DRC11L: variants seen among roughly 807,000 people sequenced by gnomAD.
DRC11L encodes the protein dynein regulatory complex subunit like-11.
chr7:151,199,527 C>T, the DRC11L span, among the ~76,000 whole-genome samples: 1 of 152,214 alleles, frequency 6.6e-6, no homozygotes, highest in African/African-American at 2.4e-5. This position sits in a 1 kb window ranked among gnomAD's most constrained non-coding sequence, Gnocchi z 5.2. Context: ...CCTCTTTCGG[C>T]CTGCTCTCGT....
At chr7:151,199,785 C>T in the DRC11L span, among the ~76,000 whole-genome samples, 14 of 152,240 alleles carry the variant, frequency 9.2e-5, no homozygotes, top group African/African-American at 3.1e-4. The surrounding 1 kb of genome is among the most constrained non-coding windows in gnomAD (Gnocchi z 5.2). Context: ...AGCCCTTCCC[C>T]CAGGGAGCAT....
At chr7:151,200,563 G>C in the DRC11L span, 1 of 398,216 alleles carries the variant, frequency 2.5e-6, no homozygotes, top group Non-Finnish European at 4.4e-6. Context: ...AGAGATTTCC[G>C]GTGGGGTGGG....
At chr7:151,196,495 G>A in the DRC11L span, 1 of 399,628 alleles carries the variant, frequency 2.5e-6, no homozygotes. Context: ...TCCTCCCGGA[G>A]GGTCTCGGAG....
chr7:151,198,191 T>C, the DRC11L span, among the ~76,000 whole-genome samples: 2 of 99,866 alleles, frequency 2.0e-5, no homozygotes, highest in East Asian at 3.0e-4. Context: ...GATGGGGAGA[T>C]GGAGAGGTGG....
the DRC11L span, chr7:151,197,824 G>A: frequency 1.8e-5 from 7 of 399,104 alleles, no homozygotes; most frequent in Non-Finnish European, 2.7e-5. Flanking sequence ...CAGGGTACCT[G>A]TTCTGGCGTT....
At chr7:151,191,202 G>T in the DRC11L span, 1 of 398,688 alleles carries the variant, frequency 2.5e-6, no homozygotes. Context: ...TGGGTTTGGG[G>T]GTCCTATTAG....
the DRC11L span, among the ~76,000 whole-genome samples, chr7:151,205,041 C>G: frequency 6.6e-6 from 1 of 152,164 alleles, no homozygotes; most frequent in African/African-American, 2.4e-5. Flanking sequence ...TGGGATTGGG[C>G]TCCGCTGTAG....
At chr7:151,195,014 G>A in the DRC11L span, among the ~76,000 whole-genome samples, 1 of 152,160 alleles carries the variant, frequency 6.6e-6, no homozygotes, top group Non-Finnish European at 1.5e-5. Context: ...ACGTCAAGTC[G>A]CTTGTGAGCT....
At chr7:151,191,747 C>T in the DRC11L span, 7 of 399,208 alleles carry the variant, frequency 1.8e-5, no homozygotes, top group Non-Finnish European at 3.1e-5. Context: ...CCGCCGCTCA[C>T]TCAGCACCGA....
At chr7:151,193,560 C>G in the DRC11L span, 5 of 399,058 alleles carry the variant, frequency 1.3e-5, no homozygotes, top group Non-Finnish European at 2.2e-5. Flanking sequence ...GAGATGACTG[C>G]GTAAGGTCAG....
chr7:151,203,779 T>C, the DRC11L span, among the ~76,000 whole-genome samples: 1 of 152,166 alleles, frequency 6.6e-6, no homozygotes, highest in Non-Finnish European at 1.5e-5. Flanking sequence ...CACAATCAAC[T>C]GGGAAGCTCT....
chr7:151,195,093 CA>C, the DRC11L span, among the ~76,000 whole-genome samples: 18 of 152,244 alleles, frequency 1.2e-4, no homozygotes, highest in African/African-American at 4.3e-4. Flanking sequence ...GTGGGAAGTC[CA>C]GGGGGAAATG....
the DRC11L span, chr7:151,203,175 A>G: frequency 2.5e-6 from 1 of 398,656 alleles, no homozygotes; most frequent in Admixed American, 4.4e-5. Flanking sequence ...GAGACCAGCC[A>G]TCAAAGGATG....
the DRC11L span, among the ~76,000 whole-genome samples, chr7:151,199,524 C>T: frequency 6.6e-5 from 10 of 152,362 alleles, no homozygotes; most frequent in East Asian, 9.7e-4. This position sits in a 1 kb window ranked among gnomAD's most constrained non-coding sequence, Gnocchi z 5.2. Flanking sequence ...CTGCCTCTTT[C>T]GGCCTGCTCT....
the DRC11L span, among the ~76,000 whole-genome samples, chr7:151,199,343 C>T: frequency 2.6e-5 from 4 of 152,052 alleles, no homozygotes; most frequent in Non-Finnish European, 5.9e-5. The surrounding 1 kb of genome is among the most constrained non-coding windows in gnomAD (Gnocchi z 5.2). Flanking sequence ...AGTTGGCAGC[C>T]GCTCTCGCAG....
At chr7:151,202,004 G>C in the DRC11L span, among the ~76,000 whole-genome samples, 1 of 152,226 alleles carries the variant, frequency 6.6e-6, no homozygotes, top group East Asian at 1.9e-4. Context: ...GACCCAGAGA[G>C]GTGCAGAGTG....
At chr7:151,194,629 C>A in the DRC11L span, 1 of 399,338 alleles carries the variant, frequency 2.5e-6, no homozygotes, top group Non-Finnish European at 4.4e-6. Flanking sequence ...AAGACCCCCA[C>A]CACCACAAGG....
the DRC11L span, chr7:151,195,598 C>T: frequency 2.5e-5 from 3 of 118,754 alleles, no homozygotes; most frequent in Non-Finnish European, 6.4e-5. Flanking sequence ...AGGGGTCTTT[C>T]TTCCTCCTTG....
chr7:151,194,269 C>G, the DRC11L span: 2 of 399,170 alleles, frequency 5.0e-6, no homozygotes, highest in Non-Finnish European at 8.8e-6. Flanking sequence ...GCCGAAGGAC[C>G]GCATACAAAG....
Sources: gnomAD v4.1 joint callset for allele counts (sites outside exome capture counted in the v4.1 genomes callset) on GRCh38, gnomAD v4.1.1 for gene constraint, Gnocchi (gnomAD v3.1) non-coding constraint, MANE v1.5 for transcripts, NCBI Gene and HGNC (gene_info 2026-07-23, HGNC 2026-07-21) for gene names.